Variants in WDPCP observed in about 807,000 individuals in gnomAD.
WDPCP encodes WD repeat containing planar cell polarity effector.
WDPCP carries 71 observed loss-of-function variants against 93.1 expected under a neutral mutation model. The observed-to-expected ratio is 0.76, with a 90% CI of 0.63 to 0.93. The LOEUF (loss-of-function observed/expected upper bound fraction) is 0.93, where lower values mean the gene tolerates loss of function less well. Ranked by LOEUF, WDPCP falls within the 40% of genes least tolerant of loss-of-function variation. The probability of loss-of-function intolerance (pLI) is 0.00; values close to 1 mark genes in which losing one functional copy is unlikely to be tolerated. For missense variants in WDPCP, 844 were observed against 887.4 expected, an observed-to-expected ratio of 0.95 and a Z score of 0.62; for synonymous variants, 315 against 315.0, an observed-to-expected ratio of 1.00 and a Z score of 0.00.
intron 15 of WDPCP, among the ~76,000 whole-genome samples, chr2:63,159,363 C>T (rs1672494327): frequency 1.3e-5 from 2 of 151,944 alleles, no homozygotes; most frequent in African/African-American, 4.8e-5. Context: ...GTAGCTGGGA[C>T]TACTGGTGCA....
At chr2:63,507,641 T>C (rs542771562) in intron 1 of WDPCP, among the ~76,000 whole-genome samples, 1 of 151,820 alleles carries the variant, frequency 6.6e-6, no homozygotes, top group East Asian at 1.9e-4. Context: ...TCCACCGAGC[T>C]AAAGGGGCAT....
chr2:63,264,309 A>G (rs1681912341), intron 13 of WDPCP, among the ~76,000 whole-genome samples: 1 of 152,220 alleles, frequency 6.6e-6, no homozygotes, highest in African/African-American at 2.4e-5. Flanking sequence ...AAACGGAAAG[A>G]TTGGAGATAG....
chr2:63,591,279 A>G (rs886132766), upstream of WDPCP, among the ~76,000 whole-genome samples: 3 of 152,242 alleles, frequency 2.0e-5, no homozygotes, highest in Admixed American at 1.3e-4. Context: ...TTCAACTGCA[A>G]TGTTGCAGAA....
chr2:63,630,700 A>T (rs1709855747), intron 3 of WDPCP, among the ~76,000 whole-genome samples: 1 of 152,222 alleles, frequency 6.6e-6, no homozygotes, highest in Non-Finnish European at 1.5e-5. Flanking sequence ...CTTTCTCAAC[A>T]ATGGATAGAT....
intron 17 of WDPCP, among the ~76,000 whole-genome samples, chr2:63,140,630 A>G (rs1017590482): frequency 6.0e-5 from 9 of 150,822 alleles, no homozygotes; most frequent in Admixed American, 1.3e-4. Context: ...CTGTTGTTGT[A>G]TAGAAGAGCT....
chr2:63,787,778 G>GTC (rs1670490623), intron 2 of WDPCP, among the ~76,000 whole-genome samples: 1 of 152,100 alleles, frequency 6.6e-6, no homozygotes, highest in Admixed American at 6.6e-5. Context: ...AGTAGCTCAT[G>GTC]TCTCTAATCC....
chr2:63,607,784 C>T (rs1339488883), intron 3 of WDPCP, among the ~76,000 whole-genome samples: 8 of 149,930 alleles, frequency 5.3e-5, no homozygotes, highest in African/African-American at 1.7e-4. Flanking sequence ...GAGCAGATGG[C>T]GCCACTGCAC....
intron 2 of WDPCP, among the ~76,000 whole-genome samples, chr2:63,756,537 G>A (rs1353032674): frequency 6.6e-6 from 1 of 152,148 alleles, no homozygotes; most frequent in African/African-American, 2.4e-5. Flanking sequence ...ACAAGGAGCA[G>A]CTGTGTGGGA....
At position 63,594,734 on chromosome 2, in the gene WDPCP, A is replaced by C. The variant is rs144006905; in HGVS notation, n.488+55925T>G. On this transcript the variant is annotated intron_variant and non_coding_transcript_variant, in intron 3 of 4. Transcript: ENST00000467687. The stretch of plus-strand genomic sequence containing the variant: ...AGGCACATTGCTATAAATGGAAGCT[A>C]CTAAGGTATTTATATGTACGCCTCC... 1.3e-5 allele frequency: 8 copies of C among 612,318 alleles called. No homozygotes were observed. The East Asian group carries it at 2.4e-4, about 18-fold the overall frequency. 37.9% of individuals were successfully genotyped at this position (612,318 alleles called of 1,614,324 possible).
intron 9 of WDPCP, among the ~76,000 whole-genome samples, chr2:63,420,459 G>A (rs552222714): frequency 2.6e-5 from 4 of 151,134 alleles, no homozygotes; most frequent in South Asian, 2.1e-4. Flanking sequence ...ACTTGAACCC[G>A]GGAGGTGGAG....
intron 14 of WDPCP, among the ~76,000 whole-genome samples, chr2:63,195,050 T>C (rs1373951444): frequency 1.3e-5 from 2 of 152,174 alleles, no homozygotes; most frequent in African/African-American, 4.8e-5. Flanking sequence ...GGCTAGGAAA[T>C]ATATAAACAA....
chr2:63,230,726 A>G (rs1029503040), intron 14 of WDPCP, among the ~76,000 whole-genome samples: 17 of 152,132 alleles, frequency 1.1e-4, no homozygotes, highest in African/African-American at 4.1e-4. Flanking sequence ...CTGGCTGCAT[A>G]AATGTCTTCT....
At chr2:63,318,216 T>G (rs1483598690) in intron 12 of WDPCP, among the ~76,000 whole-genome samples, 1 of 152,132 alleles carries the variant, frequency 6.6e-6, no homozygotes, top group Non-Finnish European at 1.5e-5. Flanking sequence ...CACAATGAGA[T>G]ACCATCTCAT....
chr2:63,470,693 C>T (rs1699639945), intron 6 of WDPCP, among the ~76,000 whole-genome samples: 1 of 152,208 alleles, frequency 6.6e-6, no homozygotes, highest in Non-Finnish European at 1.5e-5. Flanking sequence ...TATTTCTCCA[C>T]TCAAAACTCT....
At position 63,366,694 on chromosome 2, in the gene WDPCP, A is replaced by T. The variant is rs6546002; in HGVS notation, c.1748+11692T>A. 4.3e-4 allele frequency among the ~76,000 whole-genome samples: 66 copies of T among 151,794 alleles called. 1 individual carries two copies. The South Asian group carries it at 0.013, about 31-fold the overall frequency. On this transcript the variant is annotated intron_variant, in intron 12 of 17. Transcript: ENST00000272321. Reference sequence around the variant, plus strand: ...CATATTCAAACTTTCATGTTGTTATACTCTATACCATACTGCCCTCTACAT... The same window carrying T: ...CATATTCAAACTTTCATGTTGTTATTCTCTATACCATACTGCCCTCTACAT...
chr2:63,693,588 C>T (rs535659310), intron 2 of WDPCP, among the ~76,000 whole-genome samples: 1 of 152,020 alleles, frequency 6.6e-6, no homozygotes, highest in South Asian at 2.1e-4. Flanking sequence ...TCTGACAGCC[C>T]CAGGAGTACA....
chr2:63,333,052 C>T (rs935834056), intron 12 of WDPCP, among the ~76,000 whole-genome samples: 4 of 152,122 alleles, frequency 2.6e-5, no homozygotes, highest in African/African-American at 7.2e-5. Flanking sequence ...TATGAGAACA[C>T]GATTTTTTAT....
At chr2:63,149,897 G>A (rs1671776677) in intron 17 of WDPCP, among the ~76,000 whole-genome samples, 1 of 152,140 alleles carries the variant, frequency 6.6e-6, no homozygotes. Flanking sequence ...GCTACTCAGA[G>A]GGCTGAGGTG....
intron 2 of WDPCP, among the ~76,000 whole-genome samples, chr2:63,489,709 T>C (rs1201069529): frequency 6.6e-6 from 1 of 151,860 alleles, no homozygotes; most frequent in Non-Finnish European, 1.5e-5. Flanking sequence ...TCAAAATACA[T>C]AATGAAATAA....
Sources: gnomAD v4.1 joint callset for allele counts (sites outside exome capture counted in the v4.1 genomes callset) on GRCh38, gnomAD v4.1.1 for gene constraint, MANE v1.5 for transcripts, NCBI Gene and HGNC (gene_info 2026-07-23, HGNC 2026-07-21) for gene names.